Variants in SPMIP4 observed in about 807,000 individuals in gnomAD.
SPMIP4 encodes the protein sperm-associated microtubule inner protein 4.
the SPMIP4 span, among the ~76,000 whole-genome samples, chr7:25,133,558 C>T: frequency 7.2e-5 from 11 of 152,188 alleles, no homozygotes; most frequent in Admixed American, 7.2e-4. Flanking sequence ...TGTAATTTAA[C>T]TGCTGTGTAT....
chr7:25,133,051 A>G, the SPMIP4 span, among the ~76,000 whole-genome samples: 2 of 152,234 alleles, frequency 1.3e-5, no homozygotes, highest in Non-Finnish European at 2.9e-5. Context: ...GCTAAAATTC[A>G]TAGGAAAATT....
At chr7:25,135,214 C>T in the SPMIP4 span, 1 of 611,316 alleles carries the variant, frequency 1.6e-6, no homozygotes, top group African/African-American at 2.0e-5. Context: ...GCCATCCTTT[C>T]TTGCTATAAT....
the SPMIP4 span, among the ~76,000 whole-genome samples, chr7:25,160,088 ACCTAAATCAGCCCATTAATTTTACTG>A: frequency 1.3e-5 from 2 of 152,192 alleles, no homozygotes; most frequent in Non-Finnish European, 2.9e-5. Context: ...CTCTTCCTTG[ACCTAAATCAGCCCATTAATTTTACTG>A]CCACCCTTCA....
chr7:25,161,364 T>G, the SPMIP4 span: 5 of 516,168 alleles, frequency 9.7e-6, no homozygotes, highest in African/African-American at 8.0e-5. Context: ...CACATATATG[T>G]AGAAATTCAA....
the SPMIP4 span, chr7:25,168,198 A>C: frequency 1.8e-6 from 2 of 1,088,454 alleles, no homozygotes; most frequent in African/African-American, 3.3e-5. Flanking sequence ...ATAAGTTTGA[A>C]GACAGATTTA....
At chr7:25,142,908 C>G in the SPMIP4 span, 4 of 919,008 alleles carry the variant, frequency 4.4e-6, no homozygotes, top group African/African-American at 5.3e-5. Flanking sequence ...AAAGGAAATT[C>G]CAGGCTGACG....
the SPMIP4 span, among the ~76,000 whole-genome samples, chr7:25,126,708 A>G: frequency 6.6e-6 from 1 of 152,250 alleles, no homozygotes; most frequent in African/African-American, 2.4e-5. Context: ...TACTCAAGAT[A>G]TGAACAGTTT....
the SPMIP4 span, among the ~76,000 whole-genome samples, chr7:25,160,385 G>T: frequency 2.0e-5 from 3 of 152,056 alleles, no homozygotes; most frequent in Middle Eastern, 6.8e-3. Flanking sequence ...TGCAACCTCC[G>T]CCTCCTGGGT....
chr7:25,139,446 T>C, the SPMIP4 span, among the ~76,000 whole-genome samples: 1 of 152,058 alleles, frequency 6.6e-6, no homozygotes, highest in South Asian at 2.1e-4. Flanking sequence ...CATTTTATAA[T>C]AATATGTTAA....
At chr7:25,138,607 G>A in the SPMIP4 span, among the ~76,000 whole-genome samples, 5 of 152,224 alleles carry the variant, frequency 3.3e-5, no homozygotes, top group East Asian at 3.9e-4. The surrounding 1 kb of genome is among the most constrained non-coding windows in gnomAD (Gnocchi z 6.2). Flanking sequence ...CACAGTCACC[G>A]TATAATCAAA....
the SPMIP4 span, chr7:25,155,058 G>A: frequency 6.2e-7 from 1 of 1,614,136 alleles, no homozygotes; most frequent in Middle Eastern, 1.6e-4. Context: ...TGGCACCGTG[G>A]GAGGAAAGGG....
At chr7:25,144,756 A>G in the SPMIP4 span, among the ~76,000 whole-genome samples, 1 of 152,184 alleles carries the variant, frequency 6.6e-6, no homozygotes, top group African/African-American at 2.4e-5. Context: ...TCCTGGGCCT[A>G]AGGGTTATGC....
At chr7:25,158,518 C>T in the SPMIP4 span, 242 of 1,609,518 alleles carry the variant, frequency 1.5e-4, 1 homozygote, top group African/African-American at 2.5e-3. Flanking sequence ...TTGAATTAGG[C>T]GGCTTGGGTA....
At chr7:25,135,542 G>A in the SPMIP4 span, 8 of 975,160 alleles carry the variant, frequency 8.2e-6, no homozygotes, top group East Asian at 7.9e-4. Context: ...TTTACATAAA[G>A]GGACAGTGTT....
the SPMIP4 span, among the ~76,000 whole-genome samples, chr7:25,156,735 T>C: frequency 6.6e-6 from 1 of 152,194 alleles, no homozygotes; most frequent in East Asian, 1.9e-4. Flanking sequence ...TCATCCAGGC[T>C]GGAGTGCAAT....
At chr7:25,129,182 C>G in the SPMIP4 span, among the ~76,000 whole-genome samples, 1 of 152,208 alleles carries the variant, frequency 6.6e-6, no homozygotes, top group Non-Finnish European at 1.5e-5. Flanking sequence ...CCCAATGGCT[C>G]CAAGCCCAGC....
the SPMIP4 span, chr7:25,179,469 G>C: frequency 1.7e-6 from 1 of 589,690 alleles, no homozygotes; most frequent in South Asian, 3.4e-5. Context: ...CGTCAAATCA[G>C]TAATAAATAG....
At chr7:25,176,258 CT>C in the SPMIP4 span, among the ~76,000 whole-genome samples, 1 of 152,160 alleles carries the variant, frequency 6.6e-6, no homozygotes, top group Admixed American at 6.5e-5. This position sits in a 1 kb window ranked among gnomAD's most constrained non-coding sequence, Gnocchi z 4.4. Context: ...TTTGACAGTG[CT>C]TTTTGATGGT....
At chr7:25,131,520 A>G in the SPMIP4 span, among the ~76,000 whole-genome samples, 2 of 152,222 alleles carry the variant, frequency 1.3e-5, no homozygotes, top group Non-Finnish European at 2.9e-5. This position sits in a 1 kb window ranked among gnomAD's most constrained non-coding sequence, Gnocchi z 4.2. Flanking sequence ...AAAAGGTTCT[A>G]TGCCAGACTG....
Sources: allele counts gnomAD v4.1 joint callset (sites outside exome capture counted in the v4.1 genomes callset), GRCh38; gene constraint gnomAD v4.1.1; non-coding constraint Gnocchi (gnomAD v3.1); transcripts MANE v1.5; gene names NCBI Gene and HGNC (gene_info 2026-07-23, HGNC 2026-07-21).